Variants in G3BP1 observed in about 807,000 individuals in gnomAD.
G3BP1 encodes the protein ras GTPase-activating protein-binding protein 1.
G3BP1 carries 35 observed loss-of-function variants against 58.6 expected under a neutral mutation model. The observed-to-expected ratio is 0.60, with a 90% CI of 0.46 to 0.79. The LOEUF (loss-of-function observed/expected upper bound fraction) is 0.79, where lower values mean the gene tolerates loss of function less well. Ranked by LOEUF, G3BP1 falls within the 30% of genes least tolerant of loss-of-function variation. G3BP1 has a pLI of 0.00. For synonymous variants in G3BP1, 191 were observed against 195.4 expected, an observed-to-expected ratio of 0.98 and a Z score of 0.19; for missense variants, 523 against 580.8, an observed-to-expected ratio of 0.90 and a Z score of 1.02.
chr5:151,810,291 T>C lies in G3BP1; in HGVS notation c.*6200T>C, dbSNP rs1176366677. ...TGTCTTCCCCGAAGGTCCACTGAGA[T>C]CTACAATCCCCCCTTTCCTCTGATC... On this transcript the variant is annotated 3_prime_UTR_variant, in exon 12 of 12. Transcript: ENST00000356245. 1 of 152,236 alleles carries C rather than the reference T, an allele frequency of 6.6e-6. No homozygotes were observed. Among genetic ancestry groups the C allele is most frequent in the African/African-American group, 2.4e-5 (1 of 41,454 alleles). The allele number at this position is 152,236 out of a possible 1,614,324, so 9.4% of individuals were successfully genotyped here. A position where few individuals can be genotyped will look rare whatever the true frequency, so the allele number is the denominator to read the frequency against.
At position 151,791,236 on chromosome 5, in the gene G3BP1, A is replaced by G. The variant is rs1322392395; in HGVS notation, c.351+174A>G. ...AGAGCAGCTGTCACCACTTGCCCAC[A>G]TGTGTATAATTCTTTCTCTAAAATA... On this transcript the variant is annotated intron_variant, in intron 4 of 11. Transcript: ENST00000356245. 7 of 539,216 alleles carry G rather than the reference A, an allele frequency of 1.3e-5. No individual in the cohort carries two copies. In the East Asian group the frequency reaches 2.1e-4, roughly 16 times the overall value. The allele number at this position is 539,216 out of a possible 1,614,324, so 33.4% of individuals were successfully genotyped here. A position where few individuals can be genotyped will look rare whatever the true frequency, so the allele number is the denominator to read the frequency against.
At chr5:151,803,298 A>T (rs1762885964) in intron 11 of G3BP1, among the ~76,000 whole-genome samples, 1 of 151,856 alleles carries the variant, frequency 6.6e-6, no homozygotes, top group Admixed American at 6.6e-5. Context: ...AATTTTTTTT[A>T]TTTTTTATTT....
At chr5:151,791,231 C>T in intron 4 of G3BP1, 169 bp downstream of exon 4, 2 of 556,706 alleles carry the variant, frequency 3.6e-6, no homozygotes. Context: ...TCACCACTTG[C>T]CCACATGTGT....
chr5:151,797,466 TA>T (rs1387189461), intron 7 of G3BP1, 38 bp downstream of exon 7: 3 of 1,556,494 alleles, frequency 1.9e-6, no homozygotes, highest in Middle Eastern at 1.9e-4. Context: ...TATTCCTAGT[TA>T]TTTTTTTTAA....
intron 2 of G3BP1, 38 bp from the exon 3 acceptor site, chr5:151,790,285 C>T: frequency 9.7e-7 from 1 of 1,026,760 alleles, no homozygotes; most frequent in Middle Eastern, 2.1e-4. Context: ...ACTTAAGATA[C>T]TTGAAGATGA....
chr5:151,795,855 T>C (rs1240796183), intron 6 of G3BP1, among the ~76,000 whole-genome samples: 1 of 152,230 alleles, frequency 6.6e-6, no homozygotes, highest in Non-Finnish European at 1.5e-5. Context: ...AACTTGCATA[T>C]TGTTTATCAA....
Position 151,800,913 on chromosome 5 carries a change from A to AG in G3BP1, c.1194+47dup. 6 of 941,296 alleles carry AG rather than the reference A, an allele frequency of 6.4e-6. No homozygotes were observed. The East Asian group carries it at 1.5e-4, about 23-fold the overall frequency. The allele number at this position is 941,296 out of a possible 1,614,324, so 58.3% of individuals were successfully genotyped here. On this transcript the variant is annotated intron_variant, in intron 11 of 11. Transcript: ENST00000356245. ...TGATTTTTTTTTTTTTTTTTTAAAA[A>AG]GGGTTTTGGTTCTTTAGAATATATC...
In G3BP1 at chr5:151,795,578, A is replaced by G; in HGVS notation, c.539+3A>G. 1.3e-6 allele frequency: 2 copies of G among 1,530,712 alleles called. No individual in the cohort carries two copies. The highest frequency in any genetic ancestry group is 1.8e-6 in the Non-Finnish European group (2 of 1,105,976). 94.8% of individuals were successfully genotyped at this position (1,530,712 alleles called of 1,614,324 possible). ...TTCTATGATCAGGCAGTTGTCAGGT[A>G]AGAAGATTTTGTTCACATGTCCGGG... On this transcript the variant is annotated splice_donor_region_variant and intron_variant, in intron 6 of 11. Transcript: ENST00000356245.
At chr5:151,772,261 C>T (rs1294772139) in intron 1 of G3BP1, 3 of 151,064 alleles carry the variant, frequency 2.0e-5, no homozygotes, top group Non-Finnish European at 4.4e-5. Flanking sequence ...GTGTCCGCCG[C>T]GTGCGCGTGC....
At chr5:151,792,179 C>T (rs752691429) in intron 4 of G3BP1, 84 of 455,486 alleles carry the variant, frequency 1.8e-4, no homozygotes, top group South Asian at 5.3e-4. Context: ...TGTTTTCTTC[C>T]GGATTGGTCT....
At chr5:151,792,077 A>G (rs909736420) in intron 4 of G3BP1, 9 of 456,168 alleles carry the variant, frequency 2.0e-5, no homozygotes, top group Admixed American at 1.6e-4. Context: ...CCCAGTCCCT[A>G]TTCTTGAATC....
chr5:151,779,327 A>G (rs911292847), intron 1 of G3BP1, among the ~76,000 whole-genome samples: 1 of 151,818 alleles, frequency 6.6e-6, no homozygotes, highest in Non-Finnish European at 1.5e-5. Flanking sequence ...TAAATTTTGT[A>G]TGTGGTGTGA....
rs1762906015 is a variant in G3BP1 at position 151,804,179 on chromosome 5, C to T, written c.*88C>T. ...CAGCCTTTGGTATCTTGGAGTATGACCCCAGTCTGTTATAAACTGCTTAAG... is the reference window on the plus strand; with the variant it reads ...CAGCCTTTGGTATCTTGGAGTATGATCCCAGTCTGTTATAAACTGCTTAAG... On this transcript the variant is annotated 3_prime_UTR_variant, in exon 12 of 12. Transcript: ENST00000356245. 7 of 942,910 alleles carry T rather than the reference C, an allele frequency of 7.4e-6. No individual in the cohort carries two copies. The South Asian group carries it at 1.1e-4, about 15-fold the overall frequency. The allele number at this position is 942,910 out of a possible 1,614,324, so 58.4% of individuals were successfully genotyped here.
At chr5:151,799,155 C>T (rs1762805743) in intron 7 of G3BP1, 57 bp from the exon 8 acceptor site, 1 of 868,664 alleles carries the variant, frequency 1.2e-6, no homozygotes, top group African/African-American at 1.6e-5. Context: ...GAGTTAGTAG[C>T]TTTTATATTG....
At position 151,803,910 on chromosome 5, in the gene G3BP1, G is replaced by T. The variant is rs758494444; in HGVS notation, c.1220G>T (p.Arg407Leu). The T allele has an allele frequency of 4.3e-6, 7 of 1,613,312 alleles. No homozygotes were observed. Among genetic ancestry groups the T allele is most frequent in the Non-Finnish European group, 5.9e-6 (7 of 1,179,296 alleles). ...CCCATCATGTTCAGAGGTGAGGTCC[G>T]TCTGAATGTCGAAGAGAAGAAGACT... ...NRPIMFRGEVRLNVEEKKTRA... is the reference protein window; with the variant it reads ...NRPIMFRGEVLLNVEEKKTRA... Residue 407 changes from arginine to leucine, a missense_variant, in exon 12 of 12, where the codon CGT becomes CTT. By Grantham distance (102) the Arg-to-Leu change is moderately radical. This residue lies in a region of G3BP1 where 125 missense variants were observed against 181.7 expected (regional missense o/e 0.69). Coordinates refer to ENST00000356245, the MANE Select transcript of G3BP1 (RefSeq NM_005754.3).
chr5:151,796,739 T>A (rs76062606), intron 6 of G3BP1, among the ~76,000 whole-genome samples: 2,752 of 152,318 alleles, frequency 0.018, 83 homozygotes, highest in African/African-American at 0.061. Flanking sequence ...ATCTTAACCA[T>A]TTTTAAGTGT....
chr5:151,783,802 G>A (rs1581573680), intron 1 of G3BP1, among the ~76,000 whole-genome samples: 1 of 151,744 alleles, frequency 6.6e-6, no homozygotes, highest in East Asian at 1.9e-4. Flanking sequence ...ACGCTCTGTC[G>A]CCCAGGCTGG....
chr5:151,773,915 T>G (rs1762320497), intron 1 of G3BP1, among the ~76,000 whole-genome samples: 1 of 152,220 alleles, frequency 6.6e-6, no homozygotes, highest in Non-Finnish European at 1.5e-5. Flanking sequence ...TGAAATTACC[T>G]TACACATTAT....
Position 151,799,259 on chromosome 5 carries a change from A to C in G3BP1, c.789A>C (p.Gly263=). 2 of 1,607,194 alleles carry C rather than the reference A, an allele frequency of 1.2e-6. No homozygotes were observed. Among genetic ancestry groups the C allele is most frequent in the Non-Finnish European group, 1.7e-6 (2 of 1,173,638 alleles). ...CCAGTAAGAATCTTCCACCCAGTGG[A>C]GCTGTTCCAGTTACTGGGATACCAC... The part of the protein sequence containing the change: ...SVTSKNLPPS[G]AVPVTGIPPH... The change falls in exon 8 of 12, where the codon GGA becomes GGC. Residue 263 remains glycine, a synonymous_variant. Coordinates refer to ENST00000356245, the MANE Select transcript of G3BP1 (RefSeq NM_005754.3).
Sources: allele counts gnomAD v4.1 joint callset (sites outside exome capture counted in the v4.1 genomes callset), GRCh38; gene constraint gnomAD v4.1.1; regional missense constraint gnomAD v4.1.1; transcripts MANE v1.5; gene names NCBI Gene and HGNC (gene_info 2026-07-23, HGNC 2026-07-21).